C12orf42: variants seen among roughly 807,000 people sequenced by gnomAD.
C12orf42 encodes the protein chromosome 12 open reading frame 42.
C12orf42 carries 25 observed loss-of-function variants against 21.6 expected under a neutral mutation model. The observed-to-expected ratio is 1.16, with a 90% CI of 0.84 to 1.62. The LOEUF (loss-of-function observed/expected upper bound fraction) is 1.62. Ranked by LOEUF, C12orf42 falls within the 40% of genes most tolerant of loss-of-function variation. C12orf42 has a pLI of 0.00. For missense variants in C12orf42, 483 were observed against 459.3 expected (o/e 1.05, Z -0.47); for synonymous variants, 174 against 175.0 (o/e 0.99, Z 0.05).
the C12orf42 span, among the ~76,000 whole-genome samples, chr12:103,512,931 G>A: frequency 6.6e-6 from 1 of 152,016 alleles, no homozygotes; most frequent in African/African-American, 2.4e-5. Flanking sequence ...GAACCCGGGA[G>A]GCAGAGGCTG....
the C12orf42 span, among the ~76,000 whole-genome samples, chr12:103,109,332 C>T: frequency 6.6e-6 from 1 of 151,912 alleles, no homozygotes; most frequent in Admixed American, 6.6e-5. Flanking sequence ...TGTGTGTGAA[C>T]CCATTTACAC....
At chr12:103,166,914 A>G in the C12orf42 span, among the ~76,000 whole-genome samples, 1 of 152,162 alleles carries the variant, frequency 6.6e-6, no homozygotes, top group Non-Finnish European at 1.5e-5. Context: ...ATTAGCTTTT[A>G]TTATAAGTGT....
At chr12:103,337,826 C>A (rs1023015813) in intron 4 of C12orf42, among the ~76,000 whole-genome samples, 1 of 152,168 alleles carries the variant, frequency 6.6e-6, no homozygotes, top group African/African-American at 2.4e-5. Flanking sequence ...AGTATGAACC[C>A]CTTCACAACT....
At chr12:103,066,282 A>G in the C12orf42 span, among the ~76,000 whole-genome samples, 6 of 152,166 alleles carry the variant, frequency 3.9e-5, no homozygotes, top group African/African-American at 1.4e-4. Context: ...GCAGCATTTC[A>G]TCATCAAATG....
the C12orf42 span, among the ~76,000 whole-genome samples, chr12:103,068,739 T>C: frequency 6.6e-6 from 1 of 151,178 alleles, no homozygotes; most frequent in African/African-American, 2.4e-5. Context: ...GCTGAATGCT[T>C]CCTGCCCTCG....
intron 2 of C12orf42, among the ~76,000 whole-genome samples, chr12:103,407,867 C>T (rs1330883403): frequency 6.6e-6 from 1 of 152,166 alleles, no homozygotes; most frequent in Non-Finnish European, 1.5e-5. Flanking sequence ...TGATCACATG[C>T]TTTTCAAAGG....
rs116670218 is a variant in C12orf42 at position 103,432,476 on chromosome 12, C to A, written c.79-30801G>T. On this transcript the variant is annotated intron_variant, in intron 2 of 5. Transcript: ENST00000548883. Reference sequence around the variant, plus strand: ...CTACCTACTGTAACATTAATAAACACTTTCTAGAACCTTACTTGATGTGCT... The same window carrying A: ...CTACCTACTGTAACATTAATAAACAATTTCTAGAACCTTACTTGATGTGCT... 6.7e-3 allele frequency among the ~76,000 whole-genome samples: 1,017 copies of A among 152,314 alleles called. 8 individuals are homozygous for A. Among genetic ancestry groups the A allele is most frequent in the African/African-American group, 0.022 (923 of 41,550 alleles).
chr12:103,511,560 TC>T, the C12orf42 span, among the ~76,000 whole-genome samples: 1 of 152,034 alleles, frequency 6.6e-6, no homozygotes, highest in Admixed American at 6.6e-5. Context: ...ACTGCTCAAC[TC>T]CCCTTTTACC....
intron 4 of C12orf42, among the ~76,000 whole-genome samples, chr12:103,324,108 A>G (rs1593436662): frequency 6.6e-6 from 1 of 152,178 alleles, no homozygotes; most frequent in East Asian, 1.9e-4. Flanking sequence ...GTTGATTAGC[A>G]TTGAAGTGTG....
the C12orf42 span, among the ~76,000 whole-genome samples, chr12:103,054,721 A>G: frequency 1.3e-5 from 2 of 151,904 alleles, no homozygotes; most frequent in African/African-American, 2.4e-5. Context: ...TTTTCTGTAG[A>G]TGTTCTTTAT....
downstream of C12orf42, among the ~76,000 whole-genome samples, chr12:103,300,129 G>C (rs1593328333): frequency 6.6e-6 from 1 of 152,146 alleles, no homozygotes; most frequent in Non-Finnish European, 1.5e-5. Flanking sequence ...GTTTTCCCAA[G>C]GGTGTTGCAT....
At chr12:103,390,752 C>A (rs1424687420) in intron 3 of C12orf42, among the ~76,000 whole-genome samples, 3 of 152,176 alleles carry the variant, frequency 2.0e-5, no homozygotes, top group Admixed American at 1.3e-4. Flanking sequence ...AACAGCAAGC[C>A]AATGTCCAAG....
chr12:103,503,756 T>C, the C12orf42 span: 2 of 153,120 alleles, frequency 1.3e-5, no homozygotes, highest in African/African-American at 4.8e-5. Flanking sequence ...ATGCCTGGCA[T>C]TCTGCTGGCC....
At chr12:103,261,669 T>TTA (rs1391184515) in intron 10 of C12orf42, among the ~76,000 whole-genome samples, 1 of 151,996 alleles carries the variant, frequency 6.6e-6, no homozygotes, top group African/African-American at 2.4e-5. Flanking sequence ...TTTAACTTAA[T>TTA]TATATATATC....
At chr12:103,150,511 A>C in the C12orf42 span, among the ~76,000 whole-genome samples, 1 of 152,210 alleles carries the variant, frequency 6.6e-6, no homozygotes, top group Non-Finnish European at 1.5e-5. Flanking sequence ...TTAATCCATA[A>C]TATAATGAAT....
intron 10 of C12orf42, among the ~76,000 whole-genome samples, chr12:103,261,476 CAAAAAAAA>C (rs200549825): frequency 0.15 from 11,975 of 78,860 alleles, 491 homozygotes; most frequent in East Asian, 0.32. Context: ...GAGACTCTTT[CAAAAAAAA>C]AAAAAAAAAA....
At chr12:103,293,468 T>C (rs144150470) in intron 4 of C12orf42, among the ~76,000 whole-genome samples, 2 of 152,250 alleles carry the variant, frequency 1.3e-5, no homozygotes, top group East Asian at 3.9e-4. Flanking sequence ...TTTTATCCAC[T>C]ATTTTGTCCC....
intron 2 of C12orf42, among the ~76,000 whole-genome samples, chr12:103,411,735 C>T (rs1178478319): frequency 2.0e-5 from 3 of 152,178 alleles, no homozygotes; most frequent in African/African-American, 4.8e-5. Flanking sequence ...CTTGGACTTC[C>T]CATCCTCCAG....
the C12orf42 span, among the ~76,000 whole-genome samples, chr12:103,169,938 A>G: frequency 6.6e-6 from 1 of 152,136 alleles, no homozygotes; most frequent in Admixed American, 6.6e-5. Flanking sequence ...AGGAGCTCCC[A>G]TTGAGCTTTT....
Sources: gnomAD v4.1 joint callset for allele counts (sites outside exome capture counted in the v4.1 genomes callset) on GRCh38, gnomAD v4.1.1 for gene constraint, MANE v1.5 for transcripts, NCBI Gene and HGNC (gene_info 2026-07-23, HGNC 2026-07-21) for gene names.